The following PLD5 variants were observed in gnomAD, a reference collection of about 807,000 sequenced individuals.
PLD5 encodes inactive phospholipase D5.
A neutral mutation model predicts 61.1 loss-of-function variants in PLD5; 36 were observed. The ratio of observed to expected loss-of-function variants is 0.59; its 90% CI spans 0.45 to 0.78. PLD5 has a LOEUF of 0.78. Among genes scored for constraint, PLD5 ranks in the 30% least tolerant of loss-of-function variants. The pLI is 0.00. For synonymous variants in PLD5, 243 were observed against 242.8 expected, an observed-to-expected ratio of 1.00 and a Z score of -0.01; for missense variants, 515 against 644.4, an observed-to-expected ratio of 0.80 and a Z score of 2.17.
intron 5 of PLD5, among the ~76,000 whole-genome samples, chr1:242,213,398 T>C (rs999022303): frequency 6.6e-6 from 1 of 152,164 alleles, no homozygotes; most frequent in Non-Finnish European, 1.5e-5. Flanking sequence ...ACAGAACTAA[T>C]GCTTTTAAAT....
chr1:242,476,671 C>T (rs1164547505), intron 1 of PLD5, among the ~76,000 whole-genome samples: 1 of 152,174 alleles, frequency 6.6e-6, no homozygotes, highest in East Asian at 1.9e-4. Flanking sequence ...TTAGGTGACA[C>T]TTCATCTAAA....
intron 1 of PLD5, among the ~76,000 whole-genome samples, chr1:242,479,842 G>A (rs552083718): frequency 1.3e-5 from 2 of 150,506 alleles, no homozygotes; most frequent in Non-Finnish European, 3.0e-5. Flanking sequence ...AGGAGATCGA[G>A]ACTAACCTGG....
chr1:242,490,524 A>G (rs1055544132), intron 1 of PLD5, among the ~76,000 whole-genome samples: 1 of 152,180 alleles, frequency 6.6e-6, no homozygotes, highest in African/African-American at 2.4e-5. Context: ...CATTTTCTTA[A>G]TAACATATAT....
chr1:242,502,564 T>A (rs897294298), intron 1 of PLD5, among the ~76,000 whole-genome samples: 1 of 152,226 alleles, frequency 6.6e-6, no homozygotes, highest in Admixed American at 6.5e-5. Context: ...TTGCATTTTT[T>A]CAAATCATTT....
At chr1:242,443,419 T>C (rs1190754630) in intron 1 of PLD5, among the ~76,000 whole-genome samples, 2 of 152,048 alleles carry the variant, frequency 1.3e-5, no homozygotes, top group Non-Finnish European at 2.9e-5. Flanking sequence ...TCAAGGAAGG[T>C]GAACTGGTTG....
In PLD5 at chr1:242,508,010, A is replaced by G. The variant is rs564789888; in HGVS notation, c.189+16078T>C. On this transcript the variant is annotated intron_variant, in intron 1 of 9. Coordinates refer to ENST00000536534, the MANE Select transcript of PLD5 (RefSeq NM_001372062.1). ...TTTTAATCTGTTTTTTTTTTTTCCA[A>G]TGCCGACCAGCAATTCTATTCAAAT... Among the ~76,000 whole-genome samples the G allele has an allele frequency of 6.8e-5, 10 of 148,080 alleles. No individual in the cohort carries two copies. In the East Asian group the frequency reaches 1.6e-3, roughly 23 times the overall value.
intron 2 of PLD5, among the ~76,000 whole-genome samples, chr1:242,319,542 T>G (rs1014162920): frequency 6.6e-6 from 1 of 152,058 alleles, no homozygotes; most frequent in Admixed American, 6.6e-5. Flanking sequence ...TGTTCCTAAA[T>G]AAGACAGCTA....
chr1:242,513,269 C>A (rs1668995593), intron 1 of PLD5, among the ~76,000 whole-genome samples: 1 of 152,092 alleles, frequency 6.6e-6, no homozygotes, highest in Admixed American at 6.6e-5. Context: ...AGGGTCTAAG[C>A]CCTGTCTCAC....
intron 3 of PLD5, among the ~76,000 whole-genome samples, chr1:242,286,896 T>A (rs958802684): frequency 8.5e-5 from 13 of 152,086 alleles, no homozygotes; most frequent in African/African-American, 3.1e-4. Flanking sequence ...AGGAATAAGG[T>A]GAATGTGTTT....
At chr1:242,206,351 G>A (rs183647862) in intron 5 of PLD5, among the ~76,000 whole-genome samples, 1 of 152,282 alleles carries the variant, frequency 6.6e-6, no homozygotes, top group Non-Finnish European at 1.5e-5. Context: ...TCTTTTCCAT[G>A]TCATGTTACT....
the PLD5 span, among the ~76,000 whole-genome samples, chr1:242,530,194 G>A: frequency 4.6e-5 from 7 of 152,132 alleles, no homozygotes; most frequent in Admixed American, 6.6e-5. Context: ...ATGCCTGGCC[G>A]GCACTGGGAT....
intron 5 of PLD5, among the ~76,000 whole-genome samples, chr1:242,140,399 T>C (rs1664072764): frequency 6.6e-6 from 1 of 152,130 alleles, no homozygotes; most frequent in Admixed American, 6.6e-5. Context: ...ATCCCAATAC[T>C]TGGGGAGGCT....
At chr1:242,373,299 A>C (rs1370433110) in intron 1 of PLD5, among the ~76,000 whole-genome samples, 1 of 152,196 alleles carries the variant, frequency 6.6e-6, no homozygotes, top group East Asian at 1.9e-4. Context: ...GTCAGGAAAC[A>C]ACAGGTGCTG....
chr1:242,504,344 A>G (rs1235650625), intron 1 of PLD5, among the ~76,000 whole-genome samples: 1 of 152,222 alleles, frequency 6.6e-6, no homozygotes. Flanking sequence ...AGTAAAAAAT[A>G]GACTAATATG....
At chr1:242,421,176 CAAAA>C (rs5782234) in intron 1 of PLD5, among the ~76,000 whole-genome samples, 3 of 65,152 alleles carry the variant, frequency 4.6e-5, no homozygotes, top group African/African-American at 1.6e-4. Context: ...GACTCCACCT[CAAAA>C]AAAAAAAAAA....
At chr1:242,092,761 T>C (rs1659934133) in intron 9 of PLD5, among the ~76,000 whole-genome samples, 1 of 152,146 alleles carries the variant, frequency 6.6e-6, no homozygotes, top group South Asian at 2.1e-4. Context: ...GACAGCCAGT[T>C]TCTGTTCCTT....
intron 2 of PLD5, among the ~76,000 whole-genome samples, chr1:242,292,553 G>C (rs1188629699): frequency 6.6e-6 from 1 of 152,154 alleles, no homozygotes; most frequent in Admixed American, 6.5e-5. Context: ...GAAATCCTTA[G>C]ACCAGGTGTT....
chr1:242,497,996 G>A (rs990667726), intron 1 of PLD5, among the ~76,000 whole-genome samples: 10 of 151,878 alleles, frequency 6.6e-5, no homozygotes, highest in South Asian at 2.1e-4. Flanking sequence ...ATGGAGTCTC[G>A]CTCTGTCACC....
At chr1:242,306,817 G>C (rs1181252984) in intron 2 of PLD5, among the ~76,000 whole-genome samples, 1 of 142,316 alleles carries the variant, frequency 7.0e-6, no homozygotes, top group Non-Finnish European at 1.5e-5. Context: ...CAAACTCTTT[G>C]TAGGTACAGG....
Sources: gnomAD v4.1 joint callset for allele counts (sites outside exome capture counted in the v4.1 genomes callset) on GRCh38, gnomAD v4.1.1 for gene constraint, MANE v1.5 for transcripts, NCBI Gene and HGNC (gene_info 2026-07-23, HGNC 2026-07-21) for gene names.